The following RTN1 variants were observed in gnomAD, a reference collection of about 807,000 sequenced individuals.
The protein encoded by RTN1 is reticulon-1.
RTN1 carries 25 observed loss-of-function variants against 65.5 expected under a neutral mutation model. The observed-to-expected ratio is 0.38, with a 90% confidence interval of 0.28 to 0.53. The LOEUF (loss-of-function observed/expected upper bound fraction) is 0.53. RTN1 is among the 20% of genes least tolerant of loss of function. The pLI is 0.79. For missense variants in RTN1, 983 were observed against 1,025.4 expected, an observed-to-expected ratio of 0.96 and a Z score of 0.57; for synonymous variants, 471 against 447.6, an observed-to-expected ratio of 1.05 and a Z score of -0.66.
chr14:59,679,322 T>C (rs931251823), intron 3 of RTN1, among the ~76,000 whole-genome samples: 1 of 152,210 alleles, frequency 6.6e-6, no homozygotes, highest in African/African-American at 2.4e-5. Context: ...GAGCCACCAA[T>C]GATAACCCAT....
intron 3 of RTN1, 127 bp from the exon 4 acceptor site, chr14:59,607,619 T>C (rs565734279): frequency 8.4e-5 from 64 of 758,356 alleles, no homozygotes; most frequent in Non-Finnish European, 1.3e-4. Context: ...TAAACACAAG[T>C]GAGCAGACAG....
intron 3 of RTN1, among the ~76,000 whole-genome samples, chr14:59,712,947 T>G (rs1220808280): frequency 6.6e-6 from 1 of 151,670 alleles, no homozygotes; most frequent in East Asian, 1.9e-4. Context: ...CTGTATTAGA[T>G]TCTCCCAAAG....
chr14:59,770,942 G>A (rs971023103), intron 1 of RTN1, among the ~76,000 whole-genome samples: 1 of 151,964 alleles, frequency 6.6e-6, no homozygotes, highest in African/African-American at 2.4e-5. Context: ...AGCTATAAAG[G>A]AGGCTGAGGC....
At chr14:59,759,237 C>T (rs1295600919) in intron 1 of RTN1, among the ~76,000 whole-genome samples, 1 of 152,166 alleles carries the variant, frequency 6.6e-6, no homozygotes, top group Non-Finnish European at 1.5e-5. Context: ...CATCTTCCAA[C>T]CTTATTTTAA....
At chr14:59,619,178 G>A (rs1358970421) in intron 3 of RTN1, among the ~76,000 whole-genome samples, 1 of 152,216 alleles carries the variant, frequency 6.6e-6, no homozygotes, top group African/African-American at 2.4e-5. Flanking sequence ...AAACGAGGAA[G>A]AGCTAATTAA....
At chr14:59,718,658 A>G (rs1187645517) in intron 3 of RTN1, among the ~76,000 whole-genome samples, 3 of 152,310 alleles carry the variant, frequency 2.0e-5, no homozygotes, top group East Asian at 1.9e-4. Flanking sequence ...TGCTAGATAC[A>G]GTGCTCAAAT....
intron 2 of RTN1, among the ~76,000 whole-genome samples, chr14:59,734,518 T>C (rs563693798): frequency 3.4e-4 from 52 of 152,122 alleles, no homozygotes; most frequent in African/African-American, 1.1e-3. Flanking sequence ...ACAGACAAAA[T>C]AGCCAGTTTA....
At chr14:59,785,046 T>C (rs1342899266) in intron 1 of RTN1, among the ~76,000 whole-genome samples, 1 of 152,234 alleles carries the variant, frequency 6.6e-6, no homozygotes, top group East Asian at 1.9e-4. Flanking sequence ...TTATAGATCC[T>C]ACAACACTGT....
intron 3 of RTN1, among the ~76,000 whole-genome samples, chr14:59,630,014 G>C (rs1882500619): frequency 6.6e-6 from 1 of 152,132 alleles, no homozygotes; most frequent in African/African-American, 2.4e-5. Context: ...TTAAAAGGAT[G>C]CACTCCAGCC....
At chr14:59,685,347 G>A (rs1407729327) in intron 3 of RTN1, among the ~76,000 whole-genome samples, 1 of 152,086 alleles carries the variant, frequency 6.6e-6, no homozygotes, top group Non-Finnish European at 1.5e-5. Context: ...GAAATAAAAG[G>A]CATCCAAATC....
intron 1 of RTN1, among the ~76,000 whole-genome samples, chr14:59,832,900 G>A (rs139479322): frequency 6.6e-6 from 1 of 152,266 alleles, no homozygotes; most frequent in East Asian, 1.9e-4. Context: ...CCAGCATGTT[G>A]CAAACACCCC....
chr14:59,612,965 T>C (rs1334452586), intron 3 of RTN1, among the ~76,000 whole-genome samples: 2 of 152,254 alleles, frequency 1.3e-5, no homozygotes, highest in Admixed American at 6.5e-5. Flanking sequence ...GGTTCAATTG[T>C]TGGCTTCTGG....
In RTN1 at chr14:59,851,462, C is replaced by T. The variant is rs552475096; in HGVS notation, c.241+18928G>A. On this transcript the variant is annotated intron_variant, in intron 1 of 8. Coordinates refer to ENST00000267484, the MANE Select transcript of RTN1 (RefSeq NM_021136.3). ...ACACAAAGAGCCTTAACAGCACATT[C>T]ACTTTCAAAACAGGGGATGTCTGGG... Among the ~76,000 whole-genome samples the T allele has an allele frequency of 2.8e-4, 42 of 152,326 alleles. 1 individual carries two copies. The highest frequency in any genetic ancestry group is 4.7e-4 in the Non-Finnish European group (32 of 68,036).
chr14:59,641,700 G>C (rs1882785145), intron 3 of RTN1, among the ~76,000 whole-genome samples: 1 of 152,138 alleles, frequency 6.6e-6, no homozygotes, highest in African/African-American at 2.4e-5. Flanking sequence ...GATTATTCTA[G>C]AAATTACAAT....
At chr14:59,608,297 A>G (rs1881831340) in intron 3 of RTN1, among the ~76,000 whole-genome samples, 1 of 152,254 alleles carries the variant, frequency 6.6e-6, no homozygotes, top group African/African-American at 2.4e-5. Context: ...CCATCTCACA[A>G]CCAAATGTAA....
chr14:59,842,376 A>T (rs1887330201), intron 1 of RTN1, among the ~76,000 whole-genome samples: 1 of 152,198 alleles, frequency 6.6e-6, no homozygotes, highest in African/African-American at 2.4e-5. Flanking sequence ...ATAATAGACA[A>T]AATAAATAGA....
chr14:59,633,336 GA>G (rs1428634584), intron 3 of RTN1, among the ~76,000 whole-genome samples: 1 of 152,200 alleles, frequency 6.6e-6, no homozygotes, highest in Non-Finnish European at 1.5e-5. Context: ...CTTATTCACG[GA>G]AAACTAGGAA....
At chr14:59,785,262 T>C (rs908481404) in intron 1 of RTN1, among the ~76,000 whole-genome samples, 6 of 152,246 alleles carry the variant, frequency 3.9e-5, no homozygotes, top group Middle Eastern at 3.2e-3. Flanking sequence ...TTAATCTAAT[T>C]CATGAAACTC....
intron 1 of RTN1, among the ~76,000 whole-genome samples, chr14:59,760,167 T>G (rs1347179902): frequency 2.0e-5 from 3 of 152,002 alleles, no homozygotes; most frequent in Non-Finnish European, 4.4e-5. Flanking sequence ...TGTACAAGAG[T>G]GAAGACAATC....
Sources: allele counts gnomAD v4.1 joint callset (sites outside exome capture counted in the v4.1 genomes callset), GRCh38; gene constraint gnomAD v4.1.1; transcripts MANE v1.5; gene names NCBI Gene and HGNC (gene_info 2026-07-23, HGNC 2026-07-21).